MICU1: variants seen among roughly 807,000 people sequenced by gnomAD.
The protein encoded by MICU1 is mitochondrial calcium uptake 1, also known as calcium uptake protein 1, mitochondrial.
A neutral mutation model predicts 56.8 loss-of-function variants in MICU1; 45 were observed. The observed-to-expected ratio is 0.79, with a 90% CI of 0.62 to 1.02. The LOEUF (loss-of-function observed/expected upper bound fraction) is 1.02, where lower values mean the gene tolerates loss of function less well. MICU1 is among the 50% of genes least tolerant of loss of function. The pLI, the probability that MICU1 is intolerant of heterozygous loss-of-function variation, is 0.00. For missense variants in MICU1, 504 were observed against 587.1 expected (o/e 0.86, Z 1.46); for synonymous variants, 186 against 195.1 (o/e 0.95, Z 0.39).
intron 1 of MICU1, among the ~76,000 whole-genome samples, chr10:72,599,217 A>G (rs1272281562): frequency 6.6e-6 from 1 of 152,214 alleles, no homozygotes; most frequent in African/African-American, 2.4e-5. Flanking sequence ...CTAAACACCA[A>G]AAGAGAGAAG....
intron 8 of MICU1, among the ~76,000 whole-genome samples, chr10:72,474,879 A>G (rs1721184679): frequency 1.3e-5 from 2 of 152,112 alleles, no homozygotes. Flanking sequence ...AAGATTTTTC[A>G]ATTTAGAGGT....
chr10:72,413,475 G>C (rs893264553), intron 9 of MICU1, among the ~76,000 whole-genome samples: 2 of 152,204 alleles, frequency 1.3e-5, no homozygotes, highest in African/African-American at 2.4e-5. Flanking sequence ...GCTCACACCT[G>C]TAATGCCAGC....
chr10:72,594,444 A>C (rs978654317), intron 1 of MICU1, among the ~76,000 whole-genome samples: 13 of 151,498 alleles, frequency 8.6e-5, no homozygotes, highest in Admixed American at 8.5e-4. Flanking sequence ...AAAATCATAA[A>C]ACTCCTAGAA....
At chr10:72,430,753 G>T (rs1046121548) in intron 8 of MICU1, among the ~76,000 whole-genome samples, 1 of 152,028 alleles carries the variant, frequency 6.6e-6, no homozygotes, top group African/African-American at 2.4e-5. Flanking sequence ...TGGAGACGTG[G>T]TTTCACTCCA....
intron 8 of MICU1, among the ~76,000 whole-genome samples, chr10:72,465,011 AT>A (rs1564885165): frequency 6.6e-6 from 1 of 151,992 alleles, no homozygotes; most frequent in Non-Finnish European, 1.5e-5. Context: ...GGAAAAAAAA[AT>A]TTTTTTGAGA....
At chr10:72,563,809 C>T (rs115148948) in intron 2 of MICU1, among the ~76,000 whole-genome samples, 3,084 of 152,200 alleles carry the variant, frequency 0.02, 107 homozygotes, top group African/African-American at 0.071. Context: ...AGCCATAGAG[C>T]GCCTCCTTGT....
intron 3 of MICU1, among the ~76,000 whole-genome samples, chr10:72,552,565 A>T (rs562455182): frequency 7.2e-5 from 11 of 152,086 alleles, no homozygotes; most frequent in Admixed American, 2.0e-4. Flanking sequence ...TTATTTATTT[A>T]TTTTTTTGAG....
At chr10:72,452,942 T>A (rs1377062351) in intron 8 of MICU1, among the ~76,000 whole-genome samples, 1 of 151,908 alleles carries the variant, frequency 6.6e-6, no homozygotes, top group South Asian at 2.1e-4. Flanking sequence ...CTTTTTCAGA[T>A]GACCTCTATA....
intron 9 of MICU1, among the ~76,000 whole-genome samples, chr10:72,408,781 C>G (rs923550305): frequency 3.3e-5 from 5 of 152,242 alleles, no homozygotes; most frequent in East Asian, 3.9e-4. Flanking sequence ...GAGGCTTAAG[C>G]GAATTGAAGA....
chr10:72,608,172 G>A (rs766193835), intron 1 of MICU1, among the ~76,000 whole-genome samples: 4 of 152,040 alleles, frequency 2.6e-5, no homozygotes, highest in Non-Finnish European at 5.9e-5. Flanking sequence ...GGATTCAAGC[G>A]ATTCTCCTGC....
intron 1 of MICU1, among the ~76,000 whole-genome samples, chr10:72,585,920 C>T (rs1490748840): frequency 6.6e-6 from 1 of 150,738 alleles, no homozygotes; most frequent in Non-Finnish European, 1.5e-5. Flanking sequence ...ATACTTAATA[C>T]AATGTAAATA....
chr10:72,396,793 C>A (rs1238466158), intron 10 of MICU1, among the ~76,000 whole-genome samples: 1 of 152,072 alleles, frequency 6.6e-6, no homozygotes, highest in Non-Finnish European at 1.5e-5. Flanking sequence ...TGTGCAAAGA[C>A]CAAATCTACA....
chr10:72,418,981 T>A (rs985912179), intron 9 of MICU1, among the ~76,000 whole-genome samples: 1 of 152,246 alleles, frequency 6.6e-6, no homozygotes, highest in African/African-American at 2.4e-5. Flanking sequence ...ATTTTCATCA[T>A]CTGACAAAAT....
intron 1 of MICU1, among the ~76,000 whole-genome samples, chr10:72,570,584 C>T (rs1488204083): frequency 2.6e-5 from 4 of 152,128 alleles, no homozygotes; most frequent in African/African-American, 9.7e-5. Context: ...TTAACTCTTC[C>T]CTGGGACCTA....
intron 6 of MICU1, among the ~76,000 whole-genome samples, chr10:72,480,489 G>C (rs1866258859): frequency 6.6e-6 from 1 of 152,194 alleles, no homozygotes; most frequent in Non-Finnish European, 1.5e-5. Flanking sequence ...AACCTGAAAG[G>C]AAGTTGCCCA....
intron 1 of MICU1, among the ~76,000 whole-genome samples, chr10:72,587,508 A>G (rs1442567301): frequency 1.3e-5 from 2 of 150,928 alleles, no homozygotes; most frequent in African/African-American, 4.9e-5. Context: ...AGTGGCTCAC[A>G]CCAGTAATCA....
chr10:72,503,968 T>C (rs1283870778), intron 6 of MICU1, among the ~76,000 whole-genome samples: 1 of 151,478 alleles, frequency 6.6e-6, no homozygotes, highest in African/African-American at 2.4e-5. Context: ...AAAACACTGC[T>C]GAAAGAAATC....
At chr10:72,487,209 G>A (rs1307343253) in intron 6 of MICU1, among the ~76,000 whole-genome samples, 1 of 152,100 alleles carries the variant, frequency 6.6e-6, no homozygotes, top group East Asian at 1.9e-4. Context: ...TCTTGTTGGT[G>A]CCCTGACTGA....
chr10:72,391,840 T>C (rs1203396725), intron 10 of MICU1: 1 of 152,214 alleles, frequency 6.6e-6, no homozygotes, highest in Non-Finnish European at 1.5e-5. Context: ...TCAGTAAGCC[T>C]TTTTTGGTCA....
Sources: allele counts gnomAD v4.1 joint callset (sites outside exome capture counted in the v4.1 genomes callset), GRCh38; gene constraint gnomAD v4.1.1; transcripts MANE v1.5; gene names NCBI Gene and HGNC (gene_info 2026-07-23, HGNC 2026-07-21).